Variants in SUGP2 observed in about 807,000 individuals in gnomAD.
SUGP2 encodes the protein SURP and G-patch domain containing 2.
SUGP2 carries 24 observed loss-of-function variants against 90.5 expected under a neutral mutation model. The ratio of observed to expected loss-of-function variants is 0.27; its 90% CI spans 0.19 to 0.37. The LOEUF is 0.37. Among genes scored for constraint, SUGP2 ranks in the 10% least tolerant of loss-of-function variants. SUGP2 has a pLI of 1.00. For synonymous variants in SUGP2, 473 were observed against 513.4 expected, an observed-to-expected ratio of 0.92 and a Z score of 1.06; for missense variants, 1,233 against 1,363.3, an observed-to-expected ratio of 0.90 and a Z score of 1.51.
Position 18,994,434 on chromosome 19 carries a change from C to A in SUGP2, c.3181G>T (p.Glu1061Ter). ...GLGADGQEHK[E>*]DTFDVFRQRM... ...TGTCGGAACACATCGAATGTGTCTT[C>A]TTTGTGCTCCTGCCCGTCAGCACCC... The change falls in exon 10 of 11, where the codon GAA becomes TAA. Residue 1061 changes from glutamate to a stop codon, truncating the protein, a stop_gained. Transcript: ENST00000452918. LOFTEE classifies it high-confidence loss of function. 6.2e-7 allele frequency: 1 copy of A among 1,614,220 alleles called. No homozygotes were observed. The highest frequency in any genetic ancestry group is 8.5e-7 in the Non-Finnish European group (1 of 1,180,038).
chr19:19,025,195 T>C lies in SUGP2; in HGVS notation c.1153A>G (p.Ile385Val), dbSNP rs780625413. The C allele has an allele frequency of 4.3e-6, 7 of 1,612,226 alleles. No homozygotes were observed. Among genetic ancestry groups the C allele is most frequent in the East Asian group, 4.5e-5 (2 of 44,904 alleles). Residue 385 changes from isoleucine (I) to valine (V), a missense_variant, in exon 3 of 11, where the codon ATC (isoleucine) becomes GTC (valine). Ile to Val is a conservative substitution (Grantham distance 29, BLOSUM62 3). This residue lies in a region of SUGP2 where 55 missense variants were observed against 82.0 expected (regional missense o/e 0.67). Transcript: ENST00000452918. ...PEHRDFCFFT[I>V]KFLKHSALKT... ...AAAGCAGAGTGCTTTAAAAATTTGA[T>C]AGTAAAAAAGCAAAAATCTCTGTGC... is the stretch of plus-strand genomic sequence containing the variant.
intron 3 of SUGP2, among the ~76,000 whole-genome samples, chr19:19,024,154 G>A (rs2240095): frequency 0.71 from 107,950 of 152,008 alleles, 38,753 homozygotes; most frequent in East Asian, 0.89. Flanking sequence ...CTGTCACCCA[G>A]GTTGGAGTGC....
chr19:19,001,514 T>C (rs973096099), intron 8 of SUGP2, 99 bp downstream of exon 8: 6 of 1,242,312 alleles, frequency 4.8e-6, no homozygotes, highest in Non-Finnish European at 7.1e-6. Context: ...CAGTTTGAAA[T>C]GTTAGCACAG....
Position 19,004,391 on chromosome 19 carries a change from C to T in SUGP2, c.2706G>A (p.Gly902=), listed in dbSNP as rs2057974127. ...CTCCAGGAGCGGGGGCCTCCTCTCCCCCATCCTCATCGTCCTCGTCCTCCT... is the reference window on the plus strand; with the variant it reads ...CTCCAGGAGCGGGGGCCTCCTCTCCTCCATCCTCATCGTCCTCGTCCTCCT... ...PEEEDEDDED[G]GEEAPAPGGA... The change falls in exon 7 of 11, where the codon GGG becomes GGA. Residue 902 remains glycine (G), a synonymous_variant. Coordinates refer to ENST00000452918, the MANE Select transcript of SUGP2 (RefSeq NM_001017392.5). 6.2e-7 allele frequency: 1 copy of T among 1,614,062 alleles called. No homozygotes were observed. The highest frequency in any genetic ancestry group is 8.5e-7 in the Non-Finnish European group (1 of 1,179,990).
intron 1 of SUGP2, among the ~76,000 whole-genome samples, chr19:19,031,404 C>T (rs1389591536): frequency 6.6e-6 from 1 of 152,010 alleles, no homozygotes; most frequent in Non-Finnish European, 1.5e-5. Context: ...CATGGTGGTG[C>T]CTGCCTTTAA....
intron 2 of SUGP2, among the ~76,000 whole-genome samples, chr19:19,027,066 G>T (rs2058964397): frequency 6.6e-6 from 1 of 152,148 alleles, no homozygotes; most frequent in South Asian, 2.1e-4. Context: ...GATCACTTGA[G>T]CCCAGGAGTT....
chr19:19,000,455 T>C (rs755825317), intron 8 of SUGP2, among the ~76,000 whole-genome samples: 2 of 152,238 alleles, frequency 1.3e-5, no homozygotes, highest in Non-Finnish European at 2.9e-5. Flanking sequence ...AGTCGGGACC[T>C]GGCACGTAGG....
Position 19,010,239 on chromosome 19 carries a change from T to G in SUGP2, c.1954A>C (p.Thr652Pro), listed in dbSNP as rs140559834. 117 of 1,613,954 alleles carry G rather than the reference T, an allele frequency of 7.2e-5. No homozygotes were observed. Among genetic ancestry groups the G allele is most frequent in the Non-Finnish European group, 9.5e-5 (112 of 1,180,020 alleles). ...ENLRGADQKP[T>P]SADCAVRAML... Reference sequence around the variant, plus strand: ...GCCCTCACTGCACAGTCTGCTGAGGTCGGCTTCTGGTCGGCTCCTCGCAAG... The same window carrying G: ...GCCCTCACTGCACAGTCTGCTGAGGGCGGCTTCTGGTCGGCTCCTCGCAAG... Residue 652 changes from threonine to proline, a missense_variant, in exon 5 of 11, where the codon ACC becomes CCC. Physicochemically the swap from Thr to Pro is conservative, Grantham distance 38. Coordinates refer to ENST00000452918, the MANE Select transcript of SUGP2 (RefSeq NM_001017392.5).
At chr19:19,011,862 C>T (rs1415694555) in intron 4 of SUGP2, among the ~76,000 whole-genome samples, 1 of 152,154 alleles carries the variant, frequency 6.6e-6, no homozygotes, top group African/African-American at 2.4e-5. Context: ...AACCACCCCA[C>T]AACAAACATA....
intron 7 of SUGP2, among the ~76,000 whole-genome samples, chr19:19,002,404 C>G (rs12983308): frequency 6.6e-6 from 1 of 150,852 alleles, no homozygotes; most frequent in Admixed American, 6.6e-5. Context: ...GAATTAAAGT[C>G]TGCCTAAAAC....
intron 6 of SUGP2, 22 bp from the exon 7 acceptor site, chr19:19,004,668 T>C (rs775336426): frequency 2.0e-5 from 31 of 1,540,296 alleles, no homozygotes; most frequent in Admixed American, 7.3e-5. Flanking sequence ...AGGAAATACA[T>C]TGGGTAACCA....
chr19:19,004,812 T>C (rs915228311), intron 6 of SUGP2, among the ~76,000 whole-genome samples, 166 bp from the exon 7 acceptor site: 2 of 152,062 alleles, frequency 1.3e-5, no homozygotes. Flanking sequence ...CTCTCAATGA[T>C]AGAAAATTTG....
chr19:19,033,494 G>A lies in SUGP2; in HGVS notation c.-69C>T, dbSNP rs1395890101. 8.5e-6 allele frequency: 12 copies of A among 1,405,494 alleles called. No individual in the cohort carries two copies. Among genetic ancestry groups the A allele is most frequent in the South Asian group, 8.1e-5 (6 of 74,162 alleles). The allele number at this position is 1,405,494 out of a possible 1,614,324, so 87.1% of individuals were successfully genotyped here. A position where few individuals can be genotyped will look rare whatever the true frequency, so the allele number is the denominator to read the frequency against. ...CGCCGCCTCAGGCTCCTCACCCGCC[G>A]CCGCCGCCGCGCGAGGCGGGGACAT... On this transcript the variant is annotated 5_prime_UTR_variant, in exon 1 of 11. Transcript: ENST00000452918.
chr19:19,018,978 C>A, intron 4 of SUGP2, 131 bp downstream of exon 4: 1 of 1,069,086 alleles, frequency 9.4e-7, no homozygotes. Context: ...GAGCCACCCT[C>A]ATGCTCTTCT....
chr19:18,994,700 G>A, intron 9 of SUGP2: 1 of 614,854 alleles, frequency 1.6e-6, no homozygotes, highest in Non-Finnish European at 2.8e-6. Flanking sequence ...AGAGGGCCCT[G>A]GTTACCTCGG....
intron 8 of SUGP2, among the ~76,000 whole-genome samples, chr19:18,996,576 G>A (rs1049284733): frequency 1.0e-4 from 15 of 150,684 alleles, no homozygotes; most frequent in African/African-American, 2.7e-4. Flanking sequence ...TTTTTAAGAC[G>A]GAGTCTTGCT....
At position 19,004,508 on chromosome 19, in the gene SUGP2, G is replaced by A; in HGVS notation, c.2589C>T (p.Ser863=). ...GGGDTTGSQE[S]PVDLMEGEAE... The stretch of plus-strand genomic sequence containing the variant: ...CTTCCCCTTCCATGAGGTCCACGGG[G>A]CTCTCCTGAGAACCCGTGGTGTCAC... Residue 863 remains serine (S), a synonymous_variant, in exon 7 of 11, where the codon AGC becomes AGT. Transcript: ENST00000452918. 2 of 1,614,230 alleles carry A rather than the reference G, an allele frequency of 1.2e-6. No individual in the cohort carries two copies. Among genetic ancestry groups the A allele is most frequent in the Non-Finnish European group, 1.7e-6 (2 of 1,180,030 alleles).
At chr19:19,014,962 G>C (rs546804281) in intron 4 of SUGP2, among the ~76,000 whole-genome samples, 4 of 152,262 alleles carry the variant, frequency 2.6e-5, no homozygotes, top group African/African-American at 7.2e-5. Context: ...AGCGCTTTGG[G>C]AGGCCAAGGC....
intron 4 of SUGP2, among the ~76,000 whole-genome samples, chr19:19,016,729 T>G (rs1347530061): frequency 6.6e-6 from 1 of 152,198 alleles, no homozygotes; most frequent in Non-Finnish European, 1.5e-5. Flanking sequence ...GCAAGAGACC[T>G]GCCTCCCAAC....
Sources: allele counts gnomAD v4.1 joint callset (sites outside exome capture counted in the v4.1 genomes callset), GRCh38; gene constraint gnomAD v4.1.1; regional missense constraint gnomAD v4.1.1; transcripts MANE v1.5; gene names NCBI Gene and HGNC (gene_info 2026-07-23, HGNC 2026-07-21).